SHANK2: variants seen among roughly 807,000 people sequenced by gnomAD.
SHANK2 encodes the protein SH3 and multiple ankyrin repeat domains 2.
SHANK2 carries 43 observed loss-of-function variants against 133.7 expected under a neutral mutation model. The observed-to-expected ratio is 0.32, with a 90% CI of 0.25 to 0.41. SHANK2 has a LOEUF of 0.41. SHANK2 is among the 10% of genes least tolerant of loss of function. SHANK2 has a pLI of 1.00. For missense variants in SHANK2, 1,994 were observed against 2,235.8 expected (o/e 0.89, Z 2.18); for synonymous variants, 1,017 against 952.8 (o/e 1.07, Z -1.24).
At chr11:71,064,656 G>C (rs1175792688) in intron 9 of SHANK2, among the ~76,000 whole-genome samples, 5 of 152,080 alleles carry the variant, frequency 3.3e-5, no homozygotes, top group Non-Finnish European at 5.9e-5. Context: ...GGGTGAGAAG[G>C]GTGGTGGGGA....
chr11:71,159,051 T>C (rs782665442), intron 2 of SHANK2, among the ~76,000 whole-genome samples: 2 of 152,246 alleles, frequency 1.3e-5, no homozygotes, highest in Non-Finnish European at 2.9e-5. Flanking sequence ...CAATAAATGC[T>C]GCTTTATTGC....
intron 17 of SHANK2, among the ~76,000 whole-genome samples, chr11:70,643,020 G>A (rs1294836048): frequency 3.9e-5 from 6 of 152,256 alleles, no homozygotes; most frequent in African/African-American, 1.4e-4. Flanking sequence ...CTTAGACATC[G>A]TGTGCATGTA....
chr11:70,769,721 G>C lies in SHANK2; in HGVS notation c.1777+28722C>G, dbSNP rs981607350. Among the ~76,000 whole-genome samples the C allele has an allele frequency of 2.0e-5, 3 of 146,584 alleles. No homozygotes were observed. The Admixed American group carries it at 2.1e-4, about 10-fold the overall frequency. On this transcript the variant is annotated intron_variant, in intron 14 of 25. Coordinates refer to ENST00000601538, the MANE Select transcript of SHANK2 (RefSeq NM_012309.5). ...TGTGCATAAGCACACATGTGCGTGT[G>C]TTCTATGTGGGCATGTGTAGGCATG...
At chr11:70,502,977 G>C in intron 17 of SHANK2, 46 bp from the exon 18 acceptor site, 1 of 1,611,146 alleles carries the variant, frequency 6.2e-7, no homozygotes, top group Non-Finnish European at 8.5e-7. Flanking sequence ...CCAGCGGAGA[G>C]GAAGACAGTT....
At chr11:70,815,466 T>TCA (rs1555054096) in intron 12 of SHANK2, among the ~76,000 whole-genome samples, 1 of 151,980 alleles carries the variant, frequency 6.6e-6, no homozygotes, top group Admixed American at 6.6e-5. Flanking sequence ...CTAACAGCCC[T>TCA]CACCTCCCAG....
intron 21 of SHANK2, chr11:70,496,861 C>G (rs1034117600): frequency 2.4e-6 from 1 of 416,424 alleles, no homozygotes; most frequent in East Asian, 7.5e-5. Flanking sequence ...AACCACGAGG[C>G]GGGGGTGGGG....
intron 1 of SHANK2, among the ~76,000 whole-genome samples, chr11:71,225,566 T>C (rs1309149127): frequency 6.6e-6 from 1 of 152,138 alleles, no homozygotes; most frequent in Non-Finnish European, 1.5e-5. Context: ...AAAAGTCTCA[T>C]AACATAATAC....
chr11:70,550,489 C>T (rs1195827723), intron 17 of SHANK2, among the ~76,000 whole-genome samples: 1 of 152,182 alleles, frequency 6.6e-6, no homozygotes, highest in Non-Finnish European at 1.5e-5. Context: ...CAGGGTCTTT[C>T]TATTCAAGAC....
chr11:70,820,674 G>T lies in SHANK2; in HGVS notation c.1183C>A (p.Arg395=), dbSNP rs1555055752. 4.4e-6 allele frequency: 3 copies of T among 683,370 alleles called. No individual in the cohort carries two copies. The highest frequency in any genetic ancestry group is 2.4e-4 in the Middle Eastern group (1 of 4,200). The allele number at this position is 683,370 out of a possible 1,614,324, so 42.3% of individuals were successfully genotyped here. The change falls in exon 12 of 26, where the codon CGA becomes AGA. Residue 395 remains arginine, a synonymous_variant. Transcript: ENST00000601538. ...NHKETDIVPF[R]EAPAYSNRRR... is the part of the protein sequence containing the mutation. ...CGGTTGGAGTACGCCGGGGCCTCTC[G>T]GAAGGGCACTGGGGAGAAGGACATG...
intron 14 of SHANK2, among the ~76,000 whole-genome samples, chr11:70,795,385 CTTTTT>C (rs1383916065): frequency 1.6e-4 from 24 of 148,724 alleles, no homozygotes; most frequent in Middle Eastern, 3.5e-3. Flanking sequence ...CTTTTCTTTT[CTTTTT>C]TCTTTTCTTT....
intron 14 of SHANK2, among the ~76,000 whole-genome samples, chr11:70,721,499 T>C (rs1946074944): frequency 6.6e-6 from 1 of 152,198 alleles, no homozygotes; most frequent in African/African-American, 2.4e-5. Context: ...TGGAGGTGTG[T>C]ACACCCCACT....
intron 8 of SHANK2, among the ~76,000 whole-genome samples, chr11:71,080,510 C>G (rs1951284358): frequency 6.6e-6 from 1 of 152,302 alleles, no homozygotes; most frequent in South Asian, 2.1e-4. Flanking sequence ...ACCAGAGCAG[C>G]GGGGAGGTCA....
intron 3 of SHANK2, among the ~76,000 whole-genome samples, chr11:71,120,512 A>AGGTC (rs142779424): frequency 0.034 from 5,189 of 152,158 alleles, 259 homozygotes; most frequent in African/African-American, 0.12. Context: ...GGCCAACAGG[A>AGGTC]GGTCGGGTTC....
chr11:71,232,645 A>C (rs1954762836), intron 1 of SHANK2, among the ~76,000 whole-genome samples: 1 of 152,026 alleles, frequency 6.6e-6, no homozygotes, highest in South Asian at 2.1e-4. Flanking sequence ...TGAGGAGTGA[A>C]TGTATTTTCT....
intron 9 of SHANK2, among the ~76,000 whole-genome samples, chr11:71,058,484 TTTTGC>T (rs1950947832): frequency 6.6e-6 from 1 of 152,262 alleles, no homozygotes; most frequent in Admixed American, 6.5e-5. Flanking sequence ...ATTAGAATAA[TTTTGC>T]CTAGCAAATG....
chr11:70,533,132 C>T (rs997185308), intron 17 of SHANK2, among the ~76,000 whole-genome samples: 3 of 152,160 alleles, frequency 2.0e-5, no homozygotes, highest in Non-Finnish European at 4.4e-5. Context: ...GGGTTTCCTT[C>T]TGGGGTGATG....
In SHANK2 at chr11:71,092,537, G is replaced by A; in HGVS notation, c.797C>T (p.Thr266Ile). ...SPDYKDSYGL[T>I]PLYHTAIVGG... is the part of the protein sequence containing the mutation. ...GACGATGGCTGTGTGATACAGCGGG[G>A]TGAGGCCGTAACTGTCTTTATAATC... Residue 266 changes from threonine to isoleucine, a missense_variant, in exon 8 of 26, where the codon ACC (threonine) becomes ATC (isoleucine). Thr to Ile is a moderately conservative substitution (Grantham distance 89). This residue lies in a region of SHANK2 where 653 missense variants were observed against 563.4 expected (regional missense o/e 1.16). Coordinates refer to ENST00000601538, the MANE Select transcript of SHANK2 (RefSeq NM_012309.5). 6.4e-7 allele frequency: 1 copy of A among 1,551,932 alleles called. No homozygotes were observed. Among genetic ancestry groups the A allele is most frequent in the Non-Finnish European group, 8.7e-7 (1 of 1,147,050 alleles).
chr11:71,116,429 G>T (rs1200984429), intron 4 of SHANK2, among the ~76,000 whole-genome samples: 2 of 152,258 alleles, frequency 1.3e-5, no homozygotes, highest in African/African-American at 4.8e-5. Context: ...GCCTGGGTGA[G>T]AGAGGTAGGG....
intron 25 of SHANK2, among the ~76,000 whole-genome samples, chr11:70,483,575 G>C (rs1227313317): frequency 2.0e-5 from 3 of 150,038 alleles, no homozygotes; most frequent in Non-Finnish European, 4.4e-5. Flanking sequence ...GCTGGGTGTG[G>C]TGGCATGCGT....
Sources: allele counts gnomAD v4.1 joint callset (sites outside exome capture counted in the v4.1 genomes callset), GRCh38; gene constraint gnomAD v4.1.1; regional missense constraint gnomAD v4.1.1; transcripts MANE v1.5; gene names NCBI Gene and HGNC (gene_info 2026-07-23, HGNC 2026-07-21).